Variants in RANBP2 observed in about 807,000 individuals in gnomAD.
RANBP2 encodes E3 SUMO-protein ligase RanBP2.
Under a neutral mutation model 303.6 loss-of-function variants are expected in RANBP2, and 57 were observed. The ratio of observed to expected loss-of-function variants is 0.19; its 90% CI spans 0.15 to 0.23. The LOEUF is 0.23. Ranked by LOEUF, RANBP2 falls within the 10% of genes least tolerant of loss-of-function variation. RANBP2 has a pLI of 1.00. For synonymous variants in RANBP2, 1,167 were observed against 1,301.5 expected (o/e 0.90, Z 2.23); for missense variants, 3,138 against 3,780.8 (o/e 0.83, Z 4.46).
At chr2:108,721,057 C>T (rs1361315792) in intron 1 of RANBP2, among the ~76,000 whole-genome samples, 1 of 151,852 alleles carries the variant, frequency 6.6e-6, no homozygotes, top group African/African-American at 2.4e-5. Context: ...AAAACAAAAA[C>T]AAAAACAAAA....
the RANBP2 span, chr2:108,910,893 G>C: frequency 3.8e-5 from 61 of 1,613,844 alleles, no homozygotes; most frequent in Non-Finnish European, 5.0e-5. Flanking sequence ...TCTCCGACAG[G>C]GGGAGTTGAC....
At chr2:109,417,520 A>C in the RANBP2 span, among the ~76,000 whole-genome samples, 1 of 152,166 alleles carries the variant, frequency 6.6e-6, no homozygotes, top group Admixed American at 6.5e-5. Context: ...GGCATGAGGC[A>C]GGCACAGGAC....
the RANBP2 span, among the ~76,000 whole-genome samples, chr2:109,350,576 C>G: frequency 6.6e-6 from 1 of 152,216 alleles, no homozygotes; most frequent in African/African-American, 2.4e-5. Flanking sequence ...TGTCCTGTTG[C>G]ATCTCTCACT....
chr2:109,077,575 A>C, the RANBP2 span, among the ~76,000 whole-genome samples: 1 of 150,626 alleles, frequency 6.6e-6, no homozygotes, highest in African/African-American at 2.4e-5. Flanking sequence ...GGGTGTTAGT[A>C]TACAAAATAT....
chr2:109,135,090 G>A, the RANBP2 span, among the ~76,000 whole-genome samples: 1 of 152,198 alleles, frequency 6.6e-6, no homozygotes, highest in Non-Finnish European at 1.5e-5. Flanking sequence ...TAGAGGCCGT[G>A]GCTTCAGGTG....
chr2:109,171,387 CTA>C, the RANBP2 span, among the ~76,000 whole-genome samples: 1 of 152,182 alleles, frequency 6.6e-6, no homozygotes, highest in East Asian at 1.9e-4. Context: ...TTGTTAGTGA[CTA>C]TGAATATTCG....
chr2:109,672,025 T>G, the RANBP2 span, among the ~76,000 whole-genome samples: 2 of 152,314 alleles, frequency 1.3e-5, no homozygotes, highest in East Asian at 3.9e-4. Context: ...CCTCGTCTTT[T>G]GTTTTCTTTT....
At chr2:109,663,695 T>C in the RANBP2 span, among the ~76,000 whole-genome samples, 2 of 152,182 alleles carry the variant, frequency 1.3e-5, no homozygotes, top group East Asian at 1.9e-4. Context: ...AAGAACCATA[T>C]AAACAGAAGT....
At chr2:109,642,656 T>TAA in the RANBP2 span, among the ~76,000 whole-genome samples, 3,539 of 137,768 alleles carry the variant, frequency 0.026, 62 homozygotes, top group Middle Eastern at 0.069. Context: ...CCATCTCAAA[T>TAA]AAAAAAAAAA....
chr2:109,016,802 G>A, the RANBP2 span, among the ~76,000 whole-genome samples: 4 of 152,322 alleles, frequency 2.6e-5, no homozygotes, highest in South Asian at 2.1e-4. Context: ...TTGGGGTGGC[G>A]TTTTATTTGG....
chr2:109,134,803 G>A, the RANBP2 span, among the ~76,000 whole-genome samples: 3 of 152,308 alleles, frequency 2.0e-5, no homozygotes, highest in Admixed American at 2.0e-4. Context: ...CCTCACGGCT[G>A]CAGATGCTCT....
At chr2:109,004,733 T>C in the RANBP2 span, among the ~76,000 whole-genome samples, 1 of 152,362 alleles carries the variant, frequency 6.6e-6, no homozygotes, top group East Asian at 1.9e-4. Flanking sequence ...ATTTCTGCCC[T>C]TATTTCTTCC....
At chr2:108,835,545 G>A in the RANBP2 span, among the ~76,000 whole-genome samples, 5 of 152,016 alleles carry the variant, frequency 3.3e-5, no homozygotes, top group African/African-American at 9.7e-5. Flanking sequence ...GCTTACAGAT[G>A]GTATAATGAA....
chr2:108,904,080 G>A, the RANBP2 span, among the ~76,000 whole-genome samples: 1 of 152,018 alleles, frequency 6.6e-6, no homozygotes, highest in African/African-American at 2.4e-5. Flanking sequence ...TAGGACTAGT[G>A]TCTAGAATAT....
the RANBP2 span, among the ~76,000 whole-genome samples, chr2:109,031,825 A>G: frequency 6.6e-6 from 1 of 151,988 alleles, no homozygotes; most frequent in Non-Finnish European, 1.5e-5. Flanking sequence ...TCCTTCCTCT[A>G]AGTATTTTCT....
At chr2:109,035,070 C>T in the RANBP2 span, among the ~76,000 whole-genome samples, 1 of 152,132 alleles carries the variant, frequency 6.6e-6, no homozygotes, top group Non-Finnish European at 1.5e-5. Flanking sequence ...GGTTAGATAA[C>T]CTCCCTAGAT....
the RANBP2 span, among the ~76,000 whole-genome samples, chr2:108,791,145 AT>A: frequency 2.0e-5 from 3 of 151,756 alleles, no homozygotes; most frequent in African/African-American, 7.3e-5. Flanking sequence ...TTTAAAATTT[AT>A]TTTTTTAACG....
In RANBP2 at chr2:108,771,320, A is replaced by G. The variant is rs1054244361; in HGVS notation, c.7850-381A>G. On this transcript the variant is annotated intron_variant, in intron 20 of 28. Transcript: ENST00000283195. ...TGCCTATGTTTTAAGATTTTTTTCA[A>G]TTGCTGCAAATGCATGGATATTTTG... Among the ~76,000 whole-genome samples the G allele has an allele frequency of 2.2e-4, 33 of 152,074 alleles. 1 individual carries two copies. Among genetic ancestry groups the G allele is most frequent in the Admixed American group, 1.1e-3 (17 of 15,242 alleles).
At chr2:109,323,668 C>T in the RANBP2 span, among the ~76,000 whole-genome samples, 2 of 152,166 alleles carry the variant, frequency 1.3e-5, no homozygotes, top group African/African-American at 4.8e-5. Context: ...CGCCAAGCTC[C>T]CTGAGCCTGT....
Sources: gnomAD v4.1 joint callset for allele counts (sites outside exome capture counted in the v4.1 genomes callset) on GRCh38, gnomAD v4.1.1 for gene constraint, MANE v1.5 for transcripts, NCBI Gene and HGNC (gene_info 2026-07-23, HGNC 2026-07-21) for gene names.